Variants in FAM193A observed in about 807,000 individuals in gnomAD.
FAM193A encodes protein FAM193A.
Under a neutral mutation model 126.5 loss-of-function variants are expected in FAM193A, and 22 were observed. That is an observed-to-expected ratio of 0.17 (90% confidence interval 0.12 to 0.25). FAM193A has a LOEUF of 0.25. FAM193A is among the 10% of genes least tolerant of loss of function. The pLI is 1.00. For missense variants in FAM193A, 1,675 were observed against 1,672.8 expected (o/e 1.00, Z -0.02); for synonymous variants, 761 against 646.8 (o/e 1.18, Z -2.68).
chr4:2,543,957 A>T (rs991687660), intron 1 of FAM193A, among the ~76,000 whole-genome samples: 3 of 151,614 alleles, frequency 2.0e-5, no homozygotes, highest in Non-Finnish European at 4.4e-5. Flanking sequence ...TTGTATAAAC[A>T]TGCTGGTATG....
At chr4:2,670,928 C>G (rs1393521172) in intron 12 of FAM193A, among the ~76,000 whole-genome samples, 3 of 152,148 alleles carry the variant, frequency 2.0e-5, no homozygotes, top group Admixed American at 6.5e-5. Flanking sequence ...GTTGCAGGAC[C>G]TGTATCTCCC....
intron 19 of FAM193A, among the ~76,000 whole-genome samples, chr4:2,710,474 A>G (rs182167314): frequency 1.9e-4 from 28 of 151,300 alleles, no homozygotes; most frequent in Non-Finnish European, 3.8e-4. Flanking sequence ...TGCCTAGCTT[A>G]CTGTTTTTCT....
chr4:2,630,282 C>G (rs1438725734), intron 4 of FAM193A, among the ~76,000 whole-genome samples: 1 of 150,596 alleles, frequency 6.6e-6, no homozygotes, highest in Non-Finnish European at 1.5e-5. Context: ...CTTCAGCCTA[C>G]AAATTTTATT....
intron 5 of FAM193A, among the ~76,000 whole-genome samples, chr4:2,634,208 C>T (rs930510223): frequency 8.5e-5 from 13 of 152,132 alleles, no homozygotes; most frequent in African/African-American, 2.7e-4. Context: ...TACAGCTTCC[C>T]AGAGACTTGG....
intron 1 of FAM193A, among the ~76,000 whole-genome samples, chr4:2,551,963 C>T (rs1359189944): frequency 1.3e-5 from 2 of 151,440 alleles, no homozygotes; most frequent in African/African-American, 4.9e-5. Context: ...ACCTCAGCCT[C>T]CTGAGCGGCT....
chr4:2,549,065 G>A (rs1210163689), intron 1 of FAM193A, among the ~76,000 whole-genome samples: 3 of 7,410 alleles, frequency 4.0e-4, no homozygotes, highest in Non-Finnish European at 1.7e-3. Context: ...AGCCTCCTGA[G>A]TAGCTGGAAT....
chr4:2,579,230 C>T (rs1045447808), intron 1 of FAM193A, among the ~76,000 whole-genome samples: 2 of 152,170 alleles, frequency 1.3e-5, no homozygotes, highest in Non-Finnish European at 2.9e-5. Context: ...CGCGGTGGCT[C>T]ACGCCTGTAA....
In FAM193A at chr4:2,561,015, G is replaced by A. The variant is rs115363672; in HGVS notation, c.255+23845G>A. Among the ~76,000 whole-genome samples, 973 of 152,260 alleles carry A rather than the reference G, an allele frequency of 6.4e-3. 12 individuals are homozygous for A. The highest frequency in any genetic ancestry group is 0.022 in the African/African-American group (933 of 41,536). ...TTTCTAGAACTTTCTTTGCCTTCCT[G>A]TGCATGGCACCATGCCATTGTAGTT... On this transcript the variant is annotated intron_variant, in intron 1 of 20. Transcript: ENST00000637812.
At chr4:2,590,335 C>T (rs1472299966) in intron 1 of FAM193A, among the ~76,000 whole-genome samples, 1 of 150,672 alleles carries the variant, frequency 6.6e-6, no homozygotes, top group Non-Finnish European at 1.5e-5. Context: ...CGTGGTGGCT[C>T]CTGCCTGTAG....
chr4:2,676,963 A>C (rs1173723927), intron 13 of FAM193A, among the ~76,000 whole-genome samples: 1 of 152,076 alleles, frequency 6.6e-6, no homozygotes, highest in Non-Finnish European at 1.5e-5. Context: ...ATTTTCATGC[A>C]GTCCAATTTG....
chr4:2,663,384 C>A, intron 12 of FAM193A, 96 bp downstream of exon 12: 1 of 1,020,174 alleles, frequency 9.8e-7, no homozygotes, highest in Non-Finnish European at 1.4e-6. Flanking sequence ...TTTTGTTTCC[C>A]ATAATTTCTG....
intron 1 of FAM193A, among the ~76,000 whole-genome samples, chr4:2,580,388 T>G (rs1359299574): frequency 1.3e-5 from 2 of 152,148 alleles, no homozygotes; most frequent in Non-Finnish European, 1.5e-5. Context: ...GCTACTAAGC[T>G]TACTACCTGG....
At position 2,670,280 on chromosome 4, in the gene FAM193A, G is replaced by GT. The variant is rs568138150; in HGVS notation, c.2080-1834dup. 2.5e-3 allele frequency among the ~76,000 whole-genome samples: 384 copies of GT among 152,108 alleles called. 1 individual carries two copies. The highest frequency in any genetic ancestry group is 8.7e-3 in the African/African-American group (361 of 41,500). ...TCACCTATAGAATTTATATTTTACTGTTTTTTTGTTTCTCTTTTTTTGTAG... is the reference window on the plus strand; with the variant it reads ...TCACCTATAGAATTTATATTTTACTGTTTTTTTTGTTTCTCTTTTTTTGTAG... On this transcript the variant is annotated intron_variant, in intron 12 of 20. Coordinates refer to ENST00000637812, the MANE Select transcript of FAM193A (RefSeq NM_001366318.2).
At chr4:2,551,202 C>T (rs955007232) in intron 1 of FAM193A, among the ~76,000 whole-genome samples, 5 of 152,108 alleles carry the variant, frequency 3.3e-5, no homozygotes, top group Non-Finnish European at 5.9e-5. Context: ...TTGTTTTTGC[C>T]TGATTTTGGT....
intron 20 of FAM193A, among the ~76,000 whole-genome samples, chr4:2,726,778 C>CAA (rs71589604): frequency 3.5e-3 from 157 of 44,874 alleles, no homozygotes; most frequent in African/African-American, 4.7e-3. Context: ...CTAAAAATAC[C>CAA]AAAAAAAAAA....
Position 2,616,559 on chromosome 4 carries a change from T to A in FAM193A, c.502-8703T>A, listed in dbSNP as rs1466678788. ...ATTTGTTACTCTTCTTTTAAATGAATTGAATTTTTTTTTTTTGAAACAGGG... is the reference window on the plus strand; with the variant it reads ...ATTTGTTACTCTTCTTTTAAATGAAATGAATTTTTTTTTTTTGAAACAGGG... On this transcript the variant is annotated intron_variant, in intron 2 of 20. Transcript: ENST00000637812. Among the ~76,000 whole-genome samples the A allele has an allele frequency of 2.0e-5, 3 of 151,916 alleles. No homozygotes were observed. In the East Asian group the frequency reaches 5.9e-4, roughly 30 times the overall value.
intron 20 of FAM193A, chr4:2,720,025 C>A: frequency 1.4e-5 from 3 of 210,566 alleles, no homozygotes; most frequent in Non-Finnish European, 2.1e-5. Flanking sequence ...GAACTCCTGG[C>A]CTCAAGTGAT....
chr4:2,681,569 T>TG (rs566677377), intron 13 of FAM193A, among the ~76,000 whole-genome samples: 123 of 151,952 alleles, frequency 8.1e-4, no homozygotes, highest in African/African-American at 2.9e-3. Context: ...TCCTGACCCA[T>TG]AGTCTCGTAG....
At chr4:2,646,597 A>G in intron 6 of FAM193A, 88 bp from the exon 7 acceptor site, 2 of 1,368,438 alleles carry the variant, frequency 1.5e-6, no homozygotes, top group Non-Finnish European at 2.0e-6. Context: ...ATGACAAAGC[A>G]GGATAGTATC....
Sources: gnomAD v4.1 joint callset for allele counts (sites outside exome capture counted in the v4.1 genomes callset) on GRCh38, gnomAD v4.1.1 for gene constraint, MANE v1.5 for transcripts, NCBI Gene and HGNC (gene_info 2026-07-23, HGNC 2026-07-21) for gene names.